The following CDYL variants were observed in gnomAD, a reference collection of about 807,000 sequenced individuals.
CDYL encodes chromodomain Y-like protein.
In CDYL, 8 loss-of-function variants were observed where a neutral mutation model predicts 47.3. That is an observed-to-expected ratio of 0.17 (90% confidence interval 0.10 to 0.31). The LOEUF is 0.31. Ranked by LOEUF, CDYL falls within the 10% of genes least tolerant of loss-of-function variation. The pLI, the probability that CDYL is intolerant of heterozygous loss-of-function variation, is 1.00. For synonymous variants in CDYL, 266 were observed against 265.0 expected, an observed-to-expected ratio of 1.00 and a Z score of -0.04; for missense variants, 471 against 701.4, an observed-to-expected ratio of 0.67 and a Z score of 3.71.
intron 1 of CDYL, among the ~76,000 whole-genome samples, chr6:4,840,389 G>C (rs1486306142): frequency 1.3e-5 from 2 of 151,898 alleles, no homozygotes; most frequent in Non-Finnish European, 2.9e-5. Context: ...GATTTGGATG[G>C]CCTTTCTTTC....
chr6:4,758,458 C>T (rs1052457325), intron 3 of CDYL, among the ~76,000 whole-genome samples: 5 of 151,068 alleles, frequency 3.3e-5, no homozygotes, highest in Non-Finnish European at 7.4e-5. Flanking sequence ...GTCAGGAATT[C>T]GAGACCAGCC....
intron 2 of CDYL, chr6:4,734,699 G>A: frequency 6.3e-7 from 1 of 1,598,962 alleles, no homozygotes; most frequent in South Asian, 1.1e-5. Flanking sequence ...ATGGAGGGAA[G>A]ATGGGGATGG....
intron 1 of CDYL, among the ~76,000 whole-genome samples, chr6:4,809,295 C>T (rs1759459620): frequency 6.6e-6 from 1 of 152,200 alleles, no homozygotes; most frequent in Admixed American, 6.5e-5. Flanking sequence ...AAAATAGCCA[C>T]TCCTTCGTGT....
At chr6:4,831,303 C>A (rs2127453818) in intron 1 of CDYL, among the ~76,000 whole-genome samples, 1 of 152,270 alleles carries the variant, frequency 6.6e-6, no homozygotes, top group East Asian at 1.9e-4. Context: ...ATATGGCTAG[C>A]CAGTTTTCCC....
intron 2 of CDYL, chr6:4,724,890 C>T (rs528731341): frequency 2.6e-5 from 4 of 152,316 alleles, no homozygotes; most frequent in Non-Finnish European, 4.4e-5. Flanking sequence ...ATTACCGCTG[C>T]TGGCTCGGGC....
At chr6:4,815,516 T>TATATTAAAAA (rs1759646723) in intron 1 of CDYL, among the ~76,000 whole-genome samples, 3 of 152,302 alleles carry the variant, frequency 2.0e-5, no homozygotes, top group African/African-American at 7.2e-5. Flanking sequence ...TTAAAAAATC[T>TATATTAAAAA]GTATAACCAG....
At chr6:4,787,020 T>C (rs1758773172) in intron 1 of CDYL, among the ~76,000 whole-genome samples, 1 of 152,128 alleles carries the variant, frequency 6.6e-6, no homozygotes, top group Non-Finnish European at 1.5e-5. Context: ...TGCCCACTTG[T>C]GTTTGTGTTA....
At chr6:4,926,107 G>C (rs1445535392) in intron 2 of CDYL, among the ~76,000 whole-genome samples, 1 of 152,134 alleles carries the variant, frequency 6.6e-6, no homozygotes, top group Admixed American at 6.5e-5. Flanking sequence ...TAGAGAACTG[G>C]AAGTGAAGGA....
At chr6:4,927,355 A>T (rs1757904706) in intron 2 of CDYL, among the ~76,000 whole-genome samples, 1 of 77,668 alleles carries the variant, frequency 1.3e-5, no homozygotes. Context: ...GGTAGAAAGA[A>T]CGTCTTTTTT....
chr6:4,950,293 C>T (rs1329008732), intron 5 of CDYL, among the ~76,000 whole-genome samples: 1 of 152,196 alleles, frequency 6.6e-6, no homozygotes, highest in Non-Finnish European at 1.5e-5. Flanking sequence ...CCAGGCCTGG[C>T]GGGGTCGCTT....
intron 3 of CDYL, among the ~76,000 whole-genome samples, chr6:4,747,238 C>T (rs1481043308): frequency 6.9e-6 from 1 of 145,504 alleles, no homozygotes; most frequent in Admixed American, 7.2e-5. Context: ...ACCTGGGAGG[C>T]AGAGGTTGCA....
intron 1 of CDYL, among the ~76,000 whole-genome samples, chr6:4,886,659 T>A (rs950668770): frequency 6.6e-6 from 1 of 152,186 alleles, no homozygotes; most frequent in African/African-American, 2.4e-5. Context: ...TGTAGGTTAT[T>A]CTCTCACTTT....
intron 2 of CDYL, among the ~76,000 whole-genome samples, chr6:4,911,777 TC>T (rs1172258276): frequency 1.3e-5 from 2 of 152,206 alleles, no homozygotes; most frequent in African/African-American, 4.8e-5. Flanking sequence ...CTTTCAAATT[TC>T]ACCTTCCAGT....
At chr6:4,925,637 C>T (rs916880442) in intron 2 of CDYL, among the ~76,000 whole-genome samples, 52 of 151,920 alleles carry the variant, frequency 3.4e-4, no homozygotes, top group Non-Finnish European at 5.4e-4. Flanking sequence ...AGGATGGTCT[C>T]GATCTCCTGC....
rs1393179287 is a variant in CDYL at position 4,937,704 on chromosome 6, A to G, written c.1088A>G (p.Lys363Arg). 1.9e-6 allele frequency: 3 copies of G among 1,609,806 alleles called. No homozygotes were observed. In the East Asian group the frequency reaches 6.7e-5, roughly 36 times the overall value. Residue 363 changes from lysine to arginine, a missense_variant, in exon 4 of 7, where the codon AAA becomes AGA. By Grantham distance (26) the Lys-to-Arg change is conservative. Around this residue, in one of 3 missense-constraint regions of CDYL, gnomAD observed 103 missense variants for 277.1 expected, o/e 0.37. Coordinates refer to ENST00000397588, the MANE Select transcript of CDYL (RefSeq NM_004824.4). ...YFIRRLTDDR[K>R]RESTKMAEAI... is the part of the protein sequence containing the mutation. ...ATACGACGTCTGACAGATGACAGGAAAAGAGAAAGCACTAAAATGGCAGAA... is the reference window on the plus strand; with the variant it reads ...ATACGACGTCTGACAGATGACAGGAGAAGAGAAAGCACTAAAATGGCAGAA...
chr6:4,810,761 C>A (rs1759504760), intron 1 of CDYL, among the ~76,000 whole-genome samples: 1 of 152,216 alleles, frequency 6.6e-6, no homozygotes, highest in South Asian at 2.1e-4. Flanking sequence ...AGTGTCCTCA[C>A]ATGGTGGAAG....
intron 1 of CDYL, among the ~76,000 whole-genome samples, chr6:4,837,428 T>G (rs1353709129): frequency 6.6e-6 from 1 of 151,998 alleles, no homozygotes; most frequent in Non-Finnish European, 1.5e-5. Context: ...ACCTGTACAT[T>G]ACAAAAATTA....
At chr6:4,845,784 CA>C (rs1300690474) in intron 1 of CDYL, among the ~76,000 whole-genome samples, 1 of 152,050 alleles carries the variant, frequency 6.6e-6, no homozygotes, top group Non-Finnish European at 1.5e-5. Context: ...GATCTTTTTC[CA>C]ACCGCTGAAA....
intron 1 of CDYL, among the ~76,000 whole-genome samples, chr6:4,880,317 A>G (rs113208260): frequency 2.6e-5 from 4 of 152,230 alleles, no homozygotes; most frequent in South Asian, 4.1e-4. Flanking sequence ...TTACCTAGCA[A>G]TAATATGTTT....
Sources: gnomAD v4.1 joint callset for allele counts (sites outside exome capture counted in the v4.1 genomes callset) on GRCh38, gnomAD v4.1.1 for gene constraint, gnomAD v4.1.1 regional missense constraint, MANE v1.5 for transcripts, NCBI Gene and HGNC (gene_info 2026-07-23, HGNC 2026-07-21) for gene names.